Variants in PCDHGA10 observed in about 807,000 individuals in gnomAD.
The protein encoded by PCDHGA10 is protocadherin gamma-A10.
Under a neutral mutation model 59.5 loss-of-function variants are expected in PCDHGA10, and 42 were observed. That is an observed-to-expected ratio of 0.71 (90% CI 0.55 to 0.91). PCDHGA10 has a LOEUF of 0.91. Ranked by LOEUF, PCDHGA10 falls within the 40% of genes least tolerant of loss-of-function variation. PCDHGA10 has a pLI of 0.00. For missense variants in PCDHGA10, 1,111 were observed against 1,198.2 expected, an observed-to-expected ratio of 0.93 and a Z score of 1.07; for synonymous variants, 511 against 517.2, an observed-to-expected ratio of 0.99 and a Z score of 0.16.
At chr5:141,503,474 T>C (rs2099820145) in intron 2 of PCDHGA10, among the ~76,000 whole-genome samples, 1 of 151,828 alleles carries the variant, frequency 6.6e-6, no homozygotes, top group South Asian at 2.1e-4. Context: ...ATGTGTGCAC[T>C]TGTCGTCCCA....
chr5:141,425,426 A>T (rs1227154364), intron 1 of PCDHGA10, among the ~76,000 whole-genome samples: 1 of 152,236 alleles, frequency 6.6e-6, no homozygotes, highest in African/African-American at 2.4e-5. Flanking sequence ...AGTCCCATTA[A>T]ATAGAGGATA....
Position 141,489,434 on chromosome 5 carries a change from A to G in PCDHGA10, c.2437-5373A>G. On this transcript the variant is annotated intron_variant, in intron 1 of 3. Transcript: ENST00000398610. This position sits in a 1 kb window ranked among gnomAD's most constrained non-coding sequence, Gnocchi z 4.5. ...ACAGATCTGTTGAGCCGGCGGCTGC[A>G]ATTGGGCTCTGAGGAGAATGGGCGC... 6.2e-7 allele frequency: 1 copy of G among 1,614,138 alleles called. No individual in the cohort carries two copies. The highest frequency in any genetic ancestry group is 8.5e-7 in the Non-Finnish European group (1 of 1,180,044).
rs778589637 is a variant in PCDHGA10 at position 141,487,133 on chromosome 5, C to T, written c.2437-7674C>T. On this transcript the variant is annotated intron_variant, in intron 1 of 3. Coordinates refer to ENST00000398610, the MANE Select transcript of PCDHGA10 (RefSeq NM_018913.3). The surrounding 1 kb of genome is among the most constrained non-coding windows in gnomAD (Gnocchi z 5.0). ...TGTGGTAAAGGATAGTGGTAGTCCA[C>T]CACTCTCTACCTCTGTTACTCTCTT... 8.7e-6 allele frequency: 14 copies of T among 1,613,932 alleles called. No homozygotes were observed. In the South Asian group the frequency reaches 1.5e-4, roughly 18 times the overall value.
chr5:141,500,277 C>T (rs1595660442), intron 2 of PCDHGA10, among the ~76,000 whole-genome samples: 1 of 151,718 alleles, frequency 6.6e-6, no homozygotes, highest in Non-Finnish European at 1.5e-5. Context: ...GGCGCAATCT[C>T]GGCTCACTGC....
chr5:141,490,605 C>A lies in PCDHGA10; in HGVS notation c.2437-4202C>A. On this transcript the variant is annotated intron_variant, in intron 1 of 3. Transcript: ENST00000398610. The surrounding 1 kb of genome is among the most constrained non-coding windows in gnomAD (Gnocchi z 5.4). ...TCAATGACAATGCACCCCGCTTCAA[C>A]CAGCAGCTTTACACTGCTTACATCC... 6.2e-6 allele frequency: 10 copies of A among 1,614,198 alleles called. No individual in the cohort carries two copies. The highest frequency in any genetic ancestry group is 8.5e-6 in the Non-Finnish European group (10 of 1,180,030).
chr5:141,464,180 G>T (rs1251683320), intron 1 of PCDHGA10, among the ~76,000 whole-genome samples: 1 of 151,340 alleles, frequency 6.6e-6, no homozygotes, highest in Non-Finnish European at 1.5e-5. Flanking sequence ...CAGGAGAATT[G>T]CTTGATTTCA....
Position 141,431,711 on chromosome 5 carries a change from G to T in PCDHGA10, c.2436+16100G>T. On this transcript the variant is annotated intron_variant, in intron 1 of 3. Coordinates refer to ENST00000398610, the MANE Select transcript of PCDHGA10 (RefSeq NM_018913.3). This position sits in a 1 kb window ranked among gnomAD's most constrained non-coding sequence, Gnocchi z 4.8. ...CGAGGAGTCAGGATTCTACCAGATG[G>T]AAGTGCAAGCAATGGATAATGCAGG... 1 of 1,614,230 alleles carries T rather than the reference G, an allele frequency of 6.2e-7. No homozygotes were observed. The highest frequency in any genetic ancestry group is 1.1e-5 in the South Asian group (1 of 91,092).
intron 2 of PCDHGA10, among the ~76,000 whole-genome samples, chr5:141,502,165 T>C (rs1017904375): frequency 1.8e-4 from 28 of 152,196 alleles, no homozygotes; most frequent in African/African-American, 6.3e-4. Context: ...AGATATTCAG[T>C]TGAGGAATTT....
chr5:141,504,379 G>T (rs181617363), intron 2 of PCDHGA10, among the ~76,000 whole-genome samples: 1 of 152,088 alleles, frequency 6.6e-6, no homozygotes, highest in African/African-American at 2.4e-5. Context: ...AGGTGGAGTC[G>T]CTGCCTCACA....
chr5:141,496,621 CA>C (rs2099769988), intron 2 of PCDHGA10, among the ~76,000 whole-genome samples: 1 of 152,332 alleles, frequency 6.6e-6, no homozygotes, highest in Non-Finnish European at 1.5e-5. Flanking sequence ...AGCAGCAGAT[CA>C]AAAGGCTTGG....
chr5:141,433,357 G>GCCTA, intron 1 of PCDHGA10: 1 of 569,056 alleles, frequency 1.8e-6, no homozygotes, highest in Non-Finnish European at 3.1e-6. Context: ...CCTACTGTCT[G>GCCTA]CCTATCTATC....
chr5:141,418,586 A>C lies in PCDHGA10; in HGVS notation c.2436+2975A>C, dbSNP rs1422171892. ...TGCCAATGACAACCCCCCAGTGTTC[A>C]GCCAGGACGTGTACAGGGTTAGCCT... On this transcript the variant is annotated intron_variant, in intron 1 of 3. Transcript: ENST00000398610. The C allele has an allele frequency of 1.9e-6, 3 of 1,613,930 alleles. No individual in the cohort carries two copies. In the Admixed American group the frequency reaches 5.0e-5, roughly 27 times the overall value.
intron 1 of PCDHGA10, among the ~76,000 whole-genome samples, chr5:141,430,243 T>C (rs1020416761): frequency 5.6e-5 from 6 of 106,478 alleles, no homozygotes; most frequent in African/African-American, 3.0e-4. Flanking sequence ...GAGAAACTCC[T>C]AGGGAGACAT....
intron 1 of PCDHGA10, among the ~76,000 whole-genome samples, chr5:141,465,687 T>C (rs1290838979): frequency 1.3e-5 from 2 of 152,248 alleles, no homozygotes; most frequent in Non-Finnish European, 2.9e-5. Flanking sequence ...TTGACCAGTC[T>C]GCTTTTGCAT....
chr5:141,419,763 A>T, intron 1 of PCDHGA10: 1 of 1,614,014 alleles, frequency 6.2e-7, no homozygotes, highest in South Asian at 1.1e-5. Flanking sequence ...TTGGGTGACA[A>T]GGACTCGGTC....
chr5:141,421,842 A>G (rs1209505923), intron 1 of PCDHGA10: 1 of 1,613,744 alleles, frequency 6.2e-7, no homozygotes, highest in Non-Finnish European at 8.5e-7. Context: ...ACCGAGAGAA[A>G]GAGGCTGCTC....
intron 1 of PCDHGA10, among the ~76,000 whole-genome samples, chr5:141,481,678 G>A (rs1033213047): frequency 6.6e-6 from 1 of 152,006 alleles, no homozygotes; most frequent in African/African-American, 2.4e-5. Flanking sequence ...ATCAGGCCGG[G>A]CCTGGTGGCT....
rs538734954 is a variant in PCDHGA10 at position 141,494,863 on chromosome 5, C to T, written c.2493C>T (p.Ser831=). The change falls in exon 2 of 4, where the codon AGC becomes AGT. Residue 831 remains serine, a splice_region_variant and synonymous_variant. Coordinates refer to ENST00000398610, the MANE Select transcript of PCDHGA10 (RefSeq NM_018913.3). The part of the protein sequence containing the change: ...RFSQAQRPGT[S]GSQNGDDTGT... ...CTCAGGCCCAGAGACCCGGCACCAG[C>T]GGGTAGGTGACTGATTCTCCAGCCC... 2 of 1,614,118 alleles carry T rather than the reference C, an allele frequency of 1.2e-6. No individual in the cohort carries two copies. Among genetic ancestry groups the T allele is most frequent in the East Asian group, 2.2e-5 (1 of 44,874 alleles).
intron 1 of PCDHGA10, among the ~76,000 whole-genome samples, chr5:141,469,102 A>G (rs1423904196): frequency 6.6e-6 from 1 of 151,626 alleles, no homozygotes; most frequent in East Asian, 1.9e-4. Flanking sequence ...CAAAGCAAGA[A>G]CCTGTCTCTA....
Sources: allele counts gnomAD v4.1 joint callset (sites outside exome capture counted in the v4.1 genomes callset), GRCh38; gene constraint gnomAD v4.1.1; non-coding constraint Gnocchi (gnomAD v3.1); transcripts MANE v1.5; gene names NCBI Gene and HGNC (gene_info 2026-07-23, HGNC 2026-07-21).